PPP2R5C: variants seen among roughly 807,000 people sequenced by gnomAD.
The protein encoded by PPP2R5C is protein phosphatase 2 regulatory subunit B'gamma, also known as serine/threonine-protein phosphatase 2A 56 kDa regulatory subunit gamma isoform.
A neutral mutation model predicts 68.9 loss-of-function variants in PPP2R5C; 7 were observed. That is an observed-to-expected ratio of 0.10 (90% CI 0.06 to 0.19). The LOEUF is 0.19. Among genes scored for constraint, PPP2R5C ranks in the 10% least tolerant of loss-of-function variants. PPP2R5C has a pLI of 1.00. For synonymous variants in PPP2R5C, 210 were observed against 222.2 expected (o/e 0.95, Z 0.49); for missense variants, 348 against 641.3 (o/e 0.54, Z 4.94).
upstream of PPP2R5C, among the ~76,000 whole-genome samples, chr14:101,761,087 G>A (rs1332516445): frequency 2.1e-5 from 3 of 140,908 alleles, no homozygotes; most frequent in South Asian, 2.5e-4. Context: ...AAGGGGAGGG[G>A]AGGGAAGGGA....
intron 2 of PPP2R5C, among the ~76,000 whole-genome samples, chr14:101,865,348 G>A (rs749828794): frequency 6.6e-6 from 1 of 152,090 alleles, no homozygotes; most frequent in Non-Finnish European, 1.5e-5. Flanking sequence ...CCTTCTTTGG[G>A]GCATCCCTCT....
At position 101,826,138 on chromosome 14, in the gene PPP2R5C, C is replaced by T. The variant is rs1178029213; in HGVS notation, c.94+16102C>T. ...TCTTGATGGTATCATTTGCAGCACA[C>T]GTTTTTAATTTAGAGGAAGACCAGT... On this transcript the variant is annotated intron_variant, in intron 1 of 13. Coordinates refer to ENST00000334743, the Ensembl canonical transcript of PPP2R5C. 5.3e-5 allele frequency among the ~76,000 whole-genome samples: 8 copies of T among 152,254 alleles called. No individual in the cohort carries two copies. The East Asian group carries it at 7.7e-4, about 15-fold the overall frequency.
Position 101,913,123 on chromosome 14 carries a change from G to A in PPP2R5C, c.1326+650G>A, listed in dbSNP as rs111621775. ...GTCATGGTCTTTGGGTTTGATGTAC[G>A]CTGCTGTAAATGACTAGAGCGTTAT... On this transcript the variant is annotated intron_variant, in intron 12 of 13. Coordinates refer to ENST00000334743, the Ensembl canonical transcript of PPP2R5C. The surrounding 1 kb of genome is among the most constrained non-coding windows in gnomAD (Gnocchi z 4.1). Among the ~76,000 whole-genome samples, 137 of 152,308 alleles carry A rather than the reference G, an allele frequency of 9.0e-4. No homozygotes were observed. Among genetic ancestry groups the A allele is most frequent in the African/African-American group, 3.2e-3 (135 of 41,574 alleles).
intron 1 of PPP2R5C, among the ~76,000 whole-genome samples, chr14:101,832,837 C>G (rs2040833680): frequency 6.6e-6 from 1 of 152,216 alleles, no homozygotes; most frequent in Admixed American, 6.5e-5. Flanking sequence ...TGTAATTTCT[C>G]TGCATGCTCT....
chr14:101,782,419 C>CTCTGT (rs1435243948), intron 2 of PPP2R5C, among the ~76,000 whole-genome samples: 1 of 2,230 alleles, frequency 4.5e-4, no homozygotes. Flanking sequence ...TCTCTCTCCC[C>CTCTGT]CCCTTTCTCC....
rs554931317 is a variant in PPP2R5C, at chr14:101,885,329, C to T, written c.629+1767C>T. On this transcript the variant is annotated intron_variant, in intron 5 of 13. Coordinates refer to ENST00000334743, the Ensembl canonical transcript of PPP2R5C. ...AGCCCTGGCCCCTCCCATCCCGTGCCGGCTTGCACAGCCTGCGTCGGGAGC... is the reference window on the plus strand; with the variant it reads ...AGCCCTGGCCCCTCCCATCCCGTGCTGGCTTGCACAGCCTGCGTCGGGAGC... Among the ~76,000 whole-genome samples, 21 of 152,010 alleles carry T rather than the reference C, an allele frequency of 1.4e-4. No homozygotes were observed. The East Asian group carries it at 2.3e-3, about 17-fold the overall frequency.
At chr14:101,765,368 T>C (rs2036796870) in intron 2 of PPP2R5C, 1 of 649,292 alleles carries the variant, frequency 1.5e-6, no homozygotes, top group South Asian at 1.7e-5. Flanking sequence ...AATTTTATTA[T>C]TGTTTTTTTT....
At chr14:101,858,778 G>C (rs2042586835) in intron 2 of PPP2R5C, among the ~76,000 whole-genome samples, 1 of 152,124 alleles carries the variant, frequency 6.6e-6, no homozygotes, top group Non-Finnish European at 1.5e-5. Context: ...TTTAACCTAA[G>C]AGGGAAGAAT....
At chr14:101,855,133 G>A (rs772451735) in intron 1 of PPP2R5C, among the ~76,000 whole-genome samples, 20 of 152,330 alleles carry the variant, frequency 1.3e-4, no homozygotes, top group Non-Finnish European at 2.1e-4. Context: ...TCACACCAGT[G>A]CATTCCAGCC....
intron 1 of PPP2R5C, among the ~76,000 whole-genome samples, chr14:101,846,407 A>T (rs1370938069): frequency 6.6e-6 from 1 of 152,234 alleles, no homozygotes; most frequent in Admixed American, 6.5e-5. Flanking sequence ...ATTAATATGA[A>T]AAATGTATGT....
intron 2 of PPP2R5C, among the ~76,000 whole-genome samples, chr14:101,865,639 T>C (rs1409786047): frequency 6.6e-6 from 1 of 152,200 alleles, no homozygotes; most frequent in African/African-American, 2.4e-5. Flanking sequence ...ACGGCTTGGT[T>C]CTGCAAGCTT....
chr14:101,848,248 G>C (rs995149782), intron 1 of PPP2R5C, among the ~76,000 whole-genome samples: 1 of 152,030 alleles, frequency 6.6e-6, no homozygotes, highest in African/African-American at 2.4e-5. Context: ...AAGTGTGTTG[G>C]GGGGCCGGGC....
chr14:101,889,834 A>G (rs1054486428), intron 5 of PPP2R5C: 2 of 379,898 alleles, frequency 5.3e-6, no homozygotes, highest in African/African-American at 2.1e-5. Flanking sequence ...CTATGTTGAA[A>G]TACAGCAAAA....
At chr14:101,811,036 G>A (rs1178892444) in intron 1 of PPP2R5C, among the ~76,000 whole-genome samples, 3 of 152,188 alleles carry the variant, frequency 2.0e-5, no homozygotes, top group Non-Finnish European at 4.4e-5. Flanking sequence ...AAGATTTCTA[G>A]GTGACTAATA....
chr14:101,883,032 G>C, intron 3 of PPP2R5C: 2 of 471,570 alleles, frequency 4.2e-6, no homozygotes, highest in Middle Eastern at 5.8e-4. Context: ...AGATCATTTT[G>C]TTTAAATGCC....
intron 5 of PPP2R5C, among the ~76,000 whole-genome samples, chr14:101,886,669 GAAGA>G (rs2044541758): frequency 1.3e-5 from 2 of 152,244 alleles, no homozygotes; most frequent in South Asian, 4.1e-4. Flanking sequence ...GAAAAAAAAA[GAAGA>G]AAGATCTTGA....
At position 101,816,855 on chromosome 14, in the gene PPP2R5C, A is replaced by C. The variant is rs1473443302; in HGVS notation, c.94+6819A>C. On this transcript the variant is annotated intron_variant, in intron 1 of 13. Coordinates refer to ENST00000334743, the Ensembl canonical transcript of PPP2R5C. ...TTTTTCATAATGTTTGAGAGAAATA[A>C]ATATATATATTTATTTATATATATA... Among the ~76,000 whole-genome samples the C allele has an allele frequency of 4.2e-5, 6 of 143,934 alleles. No individual in the cohort carries two copies. In the East Asian group the frequency reaches 1.2e-3, roughly 28 times the overall value. 94.4% of individuals were successfully genotyped at this position (143,934 alleles called of 152,430 possible). A position where few individuals can be genotyped will look rare whatever the true frequency, so the allele number is the denominator to read the frequency against.
intron 13 of PPP2R5C, 123 bp from the exon 16 acceptor site, chr14:101,925,018 T>C (rs2047220570): frequency 9.2e-7 from 1 of 1,089,292 alleles, no homozygotes; most frequent in Admixed American, 2.1e-5. Flanking sequence ...GTGGCCAGGG[T>C]GCCGCCAGCG....
intron 2 of PPP2R5C, among the ~76,000 whole-genome samples, chr14:101,767,540 CT>C (rs33913906): frequency 1 from 152,052 of 152,324 alleles, 75,897 homozygotes; most frequent in Middle Eastern, 1. Context: ...TAGAACCTCC[CT>C]ATGCCTTAGC....
Sources: gnomAD v4.1 joint callset for allele counts (sites outside exome capture counted in the v4.1 genomes callset) on GRCh38, gnomAD v4.1.1 for gene constraint, Gnocchi (gnomAD v3.1) non-coding constraint, MANE v1.5 for transcripts, NCBI Gene and HGNC (gene_info 2026-07-23, HGNC 2026-07-21) for gene names.